Variants in FAT3 observed in about 807,000 individuals in gnomAD.
The protein encoded by FAT3 is FAT atypical cadherin 3.
A neutral mutation model predicts 310.2 loss-of-function variants in FAT3; 95 were observed. The observed-to-expected ratio is 0.31, with a 90% CI of 0.26 to 0.36. The LOEUF is 0.36. Among genes scored for constraint, FAT3 ranks in the 10% least tolerant of loss-of-function variants. The pLI is 1.00. For synonymous variants in FAT3, 2,314 were observed against 2,192.9 expected, an observed-to-expected ratio of 1.06 and a Z score of -1.54; for missense variants, 5,408 against 5,715.6, an observed-to-expected ratio of 0.95 and a Z score of 1.74.
At chr11:92,403,882 A>C (rs1247642967) in intron 2 of FAT3, among the ~76,000 whole-genome samples, 6 of 152,112 alleles carry the variant, frequency 3.9e-5, no homozygotes, top group Non-Finnish European at 8.8e-5. Context: ...GAAAAATACA[A>C]AATATTAGCT....
intron 19 of FAT3, among the ~76,000 whole-genome samples, chr11:92,856,976 C>T (rs1291582368): frequency 2.6e-5 from 4 of 152,194 alleles, no homozygotes; most frequent in African/African-American, 7.2e-5. Flanking sequence ...TGTACCTAAT[C>T]TGCACCAGTC....
chr11:92,840,305 C>G (rs1948505276), intron 17 of FAT3, among the ~76,000 whole-genome samples: 1 of 152,158 alleles, frequency 6.6e-6, no homozygotes, highest in South Asian at 2.1e-4. Flanking sequence ...TCCTTGTGTT[C>G]ACACCAGTAG....
chr11:92,529,697 A>AT (rs1019697976), intron 3 of FAT3, among the ~76,000 whole-genome samples: 2 of 152,160 alleles, frequency 1.3e-5, no homozygotes, highest in African/African-American at 4.8e-5. Flanking sequence ...CATATGCTGC[A>AT]TTGAGAGTCT....
intron 2 of FAT3, among the ~76,000 whole-genome samples, chr11:92,523,129 A>G (rs879086550): frequency 6.6e-6 from 1 of 152,164 alleles, no homozygotes; most frequent in Admixed American, 6.5e-5. Flanking sequence ...TATTCATTCA[A>G]TCAGTGAACA....
In FAT3 at chr11:92,353,059, A is replaced by G; in HGVS notation, c.947A>G (p.Lys316Arg). 1 of 1,613,724 alleles carries G rather than the reference A, an allele frequency of 6.2e-7. No individual in the cohort carries two copies. The highest frequency in any genetic ancestry group is 8.5e-7 in the Non-Finnish European group (1 of 1,179,864). ...GDPLDQFFLA[K>R]EGKWLNEYKI... ...CCTTTAGATCAGTTCTTCCTGGCTA[A>G]GGAAGGAAAGTGGTTGAATGAGTAC... is the stretch of plus-strand genomic sequence containing the variant. Residue 316 changes from lysine (K) to arginine (R), a missense_variant, in exon 2 of 28, where the codon AAG becomes AGG. Coordinates refer to ENST00000525166, the MANE Select transcript of FAT3 (RefSeq NM_001367949.2).
chr11:92,835,762 C>G (rs1024887343), intron 15 of FAT3, among the ~76,000 whole-genome samples: 1 of 152,140 alleles, frequency 6.6e-6, no homozygotes, highest in Admixed American at 6.5e-5. Flanking sequence ...AGTTGGGCAG[C>G]TACAATTTGG....
intron 27 of FAT3, among the ~76,000 whole-genome samples, chr11:92,890,178 A>G (rs1172160784): frequency 6.6e-6 from 1 of 152,164 alleles, no homozygotes; most frequent in East Asian, 1.9e-4. Context: ...CTGCAATAGC[A>G]TGTGTCTAGG....
Position 92,352,504 on chromosome 11 carries a change from G to A in FAT3, c.392G>A (p.Gly131Asp). ...GATAATTATTTATTGATAGTAAAAGGTTCTGTCAGAGGAGAGGATTTGGAA... is the reference window on the plus strand; with the variant it reads ...GATAATTATTTATTGATAGTAAAAGATTCTGTCAGAGGAGAGGATTTGGAA... ...IQDNYLLIVK[G>D]SVRGEDLEAW... Residue 131 changes from glycine (G) to aspartate (D), a missense_variant, in exon 2 of 28, where the codon GGT (glycine) becomes GAT (aspartate). Physicochemically the swap from Gly to Asp is moderately conservative, Grantham distance 94. Transcript: ENST00000525166. 1 of 1,613,104 alleles carries A rather than the reference G, an allele frequency of 6.2e-7. No homozygotes were observed. Among genetic ancestry groups the A allele is most frequent in the Non-Finnish European group, 8.5e-7 (1 of 1,179,712 alleles).
intron 2 of FAT3, among the ~76,000 whole-genome samples, chr11:92,446,404 AATT>A (rs900267462): frequency 1.3e-5 from 2 of 152,168 alleles, no homozygotes; most frequent in Non-Finnish European, 2.9e-5. Flanking sequence ...AGCTCTTAAC[AATT>A]ATTACTCTCT....
intron 4 of FAT3, among the ~76,000 whole-genome samples, chr11:92,722,384 C>T (rs538420292): frequency 6.6e-6 from 1 of 152,340 alleles, no homozygotes; most frequent in South Asian, 2.1e-4. Flanking sequence ...AAGGGGTGGG[C>T]TCCCATGGCC....
rs1180500975 is a variant in FAT3, at chr11:92,352,383, T to A, written c.271T>A (p.Phe91Ile). 1 of 1,609,054 alleles carries A rather than the reference T, an allele frequency of 6.2e-7. No individual in the cohort carries two copies. Among genetic ancestry groups the A allele is most frequent in the East Asian group, 2.2e-5 (1 of 44,622 alleles). ...AATAGTGTCCGGAGACGAGGAAGGC[T>A]TTTTCAAAGCAGAGGAAGTCATCAT... ...YRIVSGDEEG[F>I]FKAEEVIIAD... The change falls in exon 2 of 28, where the codon TTT (phenylalanine) becomes ATT (isoleucine). Residue 91 changes from phenylalanine to isoleucine, a missense_variant. Around this residue, in one of 5 missense-constraint regions of FAT3, gnomAD observed 152 missense variants for 188.3 expected, o/e 0.81. Transcript: ENST00000525166.
At chr11:92,454,643 C>T (rs1164093163) in intron 2 of FAT3, among the ~76,000 whole-genome samples, 6 of 151,974 alleles carry the variant, frequency 3.9e-5, no homozygotes, top group Admixed American at 3.9e-4. Flanking sequence ...TTATGGTAGG[C>T]CTTTGAGTTG....
intron 4 of FAT3, among the ~76,000 whole-genome samples, chr11:92,720,832 G>A (rs1196226954): frequency 6.6e-6 from 1 of 152,120 alleles, no homozygotes; most frequent in East Asian, 1.9e-4. Context: ...TCAAAATATG[G>A]TAAATAAGGT....
chr11:92,726,447 G>A (rs1487442782), intron 4 of FAT3, among the ~76,000 whole-genome samples: 1 of 152,178 alleles, frequency 6.6e-6, no homozygotes, highest in Non-Finnish European at 1.5e-5. Context: ...TGGTGAAATT[G>A]TGGTTACGAT....
At chr11:92,312,355 C>T (rs200379020) in intron 1 of FAT3, among the ~76,000 whole-genome samples, 339 of 152,266 alleles carry the variant, frequency 2.2e-3, no homozygotes, top group African/African-American at 7.7e-3. Flanking sequence ...TTTTCTGCTT[C>T]CTCTTTAGTT....
chr11:92,792,357 A>G (rs1947059886), intron 8 of FAT3, among the ~76,000 whole-genome samples: 1 of 152,146 alleles, frequency 6.6e-6, no homozygotes, highest in Non-Finnish European at 1.5e-5. Context: ...AAATGCCTAC[A>G]TTGTGTTCAT....
intron 2 of FAT3, among the ~76,000 whole-genome samples, chr11:92,523,280 A>G (rs185901426): frequency 3.3e-4 from 50 of 152,282 alleles, no homozygotes; most frequent in Admixed American, 2.7e-3. Context: ...GCCATATTCT[A>G]TAGGAACCCA....
intron 1 of FAT3, among the ~76,000 whole-genome samples, chr11:92,317,200 C>G (rs1453950835): frequency 6.6e-6 from 1 of 152,194 alleles, no homozygotes; most frequent in African/African-American, 2.4e-5. Context: ...TCTCTTCTCT[C>G]CCTGCAAACA....
At chr11:92,422,241 A>C (rs1201329062) in intron 2 of FAT3, among the ~76,000 whole-genome samples, 1 of 151,894 alleles carries the variant, frequency 6.6e-6, no homozygotes, top group South Asian at 2.1e-4. Context: ...TTCCACAACA[A>C]TTTTTCTCCT....
Sources: gnomAD v4.1 joint callset for allele counts (sites outside exome capture counted in the v4.1 genomes callset) on GRCh38, gnomAD v4.1.1 for gene constraint, gnomAD v4.1.1 regional missense constraint, MANE v1.5 for transcripts, NCBI Gene and HGNC (gene_info 2026-07-23, HGNC 2026-07-21) for gene names.